The following VEPH1 variants were observed in gnomAD, a reference collection of about 807,000 sequenced individuals.
The protein encoded by VEPH1 is ventricular zone expressed PH domain containing 1, also known as ventricular zone-expressed PH domain-containing protein homolog 1.
VEPH1 carries 80 observed loss-of-function variants against 85.2 expected under a neutral mutation model. The ratio of observed to expected loss-of-function variants is 0.94; its 90% confidence interval spans 0.78 to 1.13. The LOEUF (loss-of-function observed/expected upper bound fraction) is 1.13, where lower values mean the gene tolerates loss of function less well. VEPH1 is among the 50% of genes most tolerant of loss of function. The probability of loss-of-function intolerance (pLI) is 0.00; values close to 1 mark genes in which losing one functional copy is unlikely to be tolerated. For synonymous variants in VEPH1, 297 were observed against 348.0 expected (o/e 0.85, Z 1.63); for missense variants, 955 against 980.5 (o/e 0.97, Z 0.35).
intron 13 of VEPH1, among the ~76,000 whole-genome samples, chr3:157,262,022 C>G (rs150000278): frequency 1.5e-4 from 23 of 152,302 alleles, no homozygotes; most frequent in African/African-American, 5.3e-4. Context: ...AGGTCTTTCA[C>G]ATGAATACAT....
At chr3:157,291,953 A>G (rs546380100) in intron 11 of VEPH1, among the ~76,000 whole-genome samples, 116 of 152,268 alleles carry the variant, frequency 7.6e-4, no homozygotes, top group Non-Finnish European at 1.2e-3. Context: ...CTATATATCT[A>G]TCTCTATATA....
intron 13 of VEPH1, 117 bp from the exon 14 acceptor site, chr3:157,261,487 CT>C: frequency 2.7e-6 from 4 of 1,487,210 alleles, no homozygotes; most frequent in Non-Finnish European, 3.6e-6. Context: ...GTCTCAAGAC[CT>C]TTGTTATTTT....
rs1272951611 is a variant in VEPH1, at chr3:157,470,552, T to C, written c.139-23A>G. 4 of 1,605,146 alleles carry C rather than the reference T, an allele frequency of 2.5e-6. No individual in the cohort carries two copies. The Admixed American group carries it at 5.0e-5, about 20-fold the overall frequency. The stretch of plus-strand genomic sequence containing the variant: ...ATCCTGTTTGGAAAGAAAATCTTCA[T>C]GTTAAATAATACTCTAGAAAGTTAT... On this transcript the variant is annotated intron_variant, in intron 2 of 13. Transcript: ENST00000362010.
At chr3:157,282,528 G>A (rs1195451830) in intron 12 of VEPH1, among the ~76,000 whole-genome samples, 2 of 152,144 alleles carry the variant, frequency 1.3e-5, no homozygotes, top group Non-Finnish European at 2.9e-5. Context: ...GTGACTAAGA[G>A]ACTAATCACA....
intron 1 of VEPH1, among the ~76,000 whole-genome samples, chr3:157,497,178 G>T (rs749206839): frequency 2.0e-4 from 30 of 152,222 alleles, no homozygotes; most frequent in Middle Eastern, 6.8e-3. Flanking sequence ...TAGGAGTAAA[G>T]GTCCTCAGAG....
chr3:157,468,163 G>C (rs1736563481), intron 3 of VEPH1, among the ~76,000 whole-genome samples: 1 of 152,052 alleles, frequency 6.6e-6, no homozygotes, highest in South Asian at 2.1e-4. Context: ...TGAAATTCCT[G>C]CTCACTGCTC....
chr3:157,331,979 T>C (rs1722550687), intron 9 of VEPH1, among the ~76,000 whole-genome samples: 1 of 152,182 alleles, frequency 6.6e-6, no homozygotes, highest in African/African-American at 2.4e-5. Flanking sequence ...GCAAATTTTG[T>C]TTTCTATATT....
intron 11 of VEPH1, among the ~76,000 whole-genome samples, chr3:157,313,096 G>C (rs1419679287): frequency 2.6e-5 from 4 of 151,488 alleles, no homozygotes; most frequent in African/African-American, 9.7e-5. Flanking sequence ...AGTAGAGACG[G>C]GGTTTCACCG....
intron 9 of VEPH1, among the ~76,000 whole-genome samples, chr3:157,350,868 AT>A (rs1398837905): frequency 1.3e-5 from 2 of 152,220 alleles, no homozygotes; most frequent in African/African-American, 4.8e-5. Context: ...AAGAAAAAAA[AT>A]AACAAATGCT....
Position 157,369,180 on chromosome 3 carries a change from G to GAAAAAAAAAAAAAAAAAAA in VEPH1, c.1128-4687_1128-4669dup, listed in dbSNP as rs58451868. On this transcript the variant is annotated intron_variant, in intron 7 of 13. Transcript: ENST00000362010. ...ACAACAACAACAACAAAAACCAAAT[G>GAAAAAAAAAAAAAAAAAAA]AAAAAAAAAAAAAAAAAAAAAAAAC... 2.2e-3 allele frequency among the ~76,000 whole-genome samples: 95 copies of GAAAAAAAAAAAAAAAAAAA among 42,780 alleles called. 20 individuals carry two copies. The highest frequency in any genetic ancestry group is 0.011 in the South Asian group (5 of 438). The allele number at this position is 42,780 out of a possible 152,430, so 28.1% of individuals were successfully genotyped here.
chr3:157,270,302 A>T (rs1457675032), intron 12 of VEPH1, among the ~76,000 whole-genome samples: 1 of 150,518 alleles, frequency 6.6e-6, no homozygotes, highest in Non-Finnish European at 1.5e-5. Flanking sequence ...AAAACAAAAC[A>T]AAACACCAAA....
intron 9 of VEPH1, among the ~76,000 whole-genome samples, chr3:157,326,380 A>C (rs750835542): frequency 2.6e-5 from 4 of 152,198 alleles, no homozygotes; most frequent in Non-Finnish European, 4.4e-5. Context: ...TTCAACAGTT[A>C]TAGGAGTACC....
chr3:157,285,733 G>A lies in VEPH1; in HGVS notation c.2128+824C>T, dbSNP rs149932378. On this transcript the variant is annotated intron_variant, in intron 12 of 13. Transcript: ENST00000362010. ...TTTTGGATATAGGCTTATTAGCAACGTGTTTCCACTGGTTGGATTGAGCAA... is the reference window on the plus strand; with the variant it reads ...TTTTGGATATAGGCTTATTAGCAACATGTTTCCACTGGTTGGATTGAGCAA... Among the ~76,000 whole-genome samples, 407 of 152,296 alleles carry A rather than the reference G, an allele frequency of 2.7e-3. 3 individuals carry two copies. The highest frequency in any genetic ancestry group is 9.3e-3 in the African/African-American group (386 of 41,556).
In VEPH1 at chr3:157,339,006, C is replaced by T. The variant is rs1242108192; in HGVS notation, c.1736-21805G>A. ...ATATTGCAAGGATATTGACTCAGAA[C>T]CTTGGTGCTGACTGCTTCTATTCTC... On this transcript the variant is annotated intron_variant, in intron 9 of 13. Coordinates refer to ENST00000362010, the MANE Select transcript of VEPH1 (RefSeq NM_001167912.2). Among the ~76,000 whole-genome samples the T allele has an allele frequency of 2.0e-5, 3 of 152,184 alleles. No homozygotes were observed. The East Asian group carries it at 5.8e-4, about 29-fold the overall frequency.
At chr3:157,424,428 G>A (rs775475064) in intron 5 of VEPH1, among the ~76,000 whole-genome samples, 4 of 152,188 alleles carry the variant, frequency 2.6e-5, no homozygotes, top group South Asian at 2.1e-4. Flanking sequence ...AACTGTGGAC[G>A]TGACTTTGGA....
chr3:157,291,964 T>G (rs1717529001), intron 11 of VEPH1, among the ~76,000 whole-genome samples: 1 of 152,236 alleles, frequency 6.6e-6, no homozygotes, highest in Non-Finnish European at 1.5e-5. Flanking sequence ...TCTCTATATA[T>G]CTGCATATCT....
At chr3:157,436,719 C>T (rs1032711726) in intron 4 of VEPH1, 1 of 466,406 alleles carries the variant, frequency 2.1e-6, no homozygotes, top group African/African-American at 2.0e-5. Flanking sequence ...ATTTCCCTCG[C>T]TCTCCCACCC....
intron 9 of VEPH1, among the ~76,000 whole-genome samples, chr3:157,350,061 T>A (rs759175805): frequency 3.3e-5 from 5 of 152,066 alleles, no homozygotes; most frequent in African/African-American, 9.7e-5. Flanking sequence ...CAAATAGCCA[T>A]AGCAATTCTG....
At chr3:157,358,329 A>G (rs1245029248) in intron 9 of VEPH1, among the ~76,000 whole-genome samples, 1 of 152,198 alleles carries the variant, frequency 6.6e-6, no homozygotes, top group Non-Finnish European at 1.5e-5. Flanking sequence ...GTGCCCTTCT[A>G]ACAGGGGCCC....
Sources: allele counts gnomAD v4.1 joint callset (sites outside exome capture counted in the v4.1 genomes callset), GRCh38; gene constraint gnomAD v4.1.1; transcripts MANE v1.5; gene names NCBI Gene and HGNC (gene_info 2026-07-23, HGNC 2026-07-21).